Variants in TRIM24 observed in about 807,000 individuals in gnomAD.
TRIM24 encodes transcription intermediary factor 1-alpha.
Under a neutral mutation model 123.9 loss-of-function variants are expected in TRIM24, and 29 were observed. That is an observed-to-expected ratio of 0.23 (90% CI 0.17 to 0.32). The LOEUF is 0.32. Ranked by LOEUF, TRIM24 falls within the 10% of genes least tolerant of loss-of-function variation. The pLI is 1.00. For missense variants in TRIM24, 932 were observed against 1,295.3 expected, an observed-to-expected ratio of 0.72 and a Z score of 4.31; for synonymous variants, 456 against 461.1, an observed-to-expected ratio of 0.99 and a Z score of 0.14.
chr7:138,519,141 A>G (rs10273134), intron 3 of TRIM24, 48 bp from the exon 4 acceptor site: 1 of 1,609,534 alleles, frequency 6.2e-7, no homozygotes, highest in Non-Finnish European at 8.5e-7. Context: ...ATTATTTACT[A>G]TTCAATTATG....
intron 6 of TRIM24, among the ~76,000 whole-genome samples, chr7:138,530,014 T>C (rs1796696661): frequency 6.6e-6 from 1 of 152,176 alleles, no homozygotes; most frequent in South Asian, 2.1e-4. Context: ...ATCCTTTTTA[T>C]ATCATAATTT....
rs968255420 is a variant in TRIM24 at position 138,577,509 on chromosome 7, A to G, written c.2177A>G (p.Asn726Ser). ...MLEPIRIKQE[N>S]SGPPENYDFP... ...GAGCCAATTCGAATAAAACAAGAAA[A>G]CAGTGGACCACCGGAAAATTATGAT... The change falls in exon 14 of 19, where the codon AAC becomes AGC. Residue 726 changes from asparagine (N) to serine (S), a missense_variant. Around this residue, in one of 7 missense-constraint regions of TRIM24, gnomAD observed 527 missense variants for 691.3 expected, o/e 0.76. Transcript: ENST00000343526. 10 of 1,611,484 alleles carry G rather than the reference A, an allele frequency of 6.2e-6. No homozygotes were observed. Among genetic ancestry groups the G allele is most frequent in the Non-Finnish European group, 8.5e-6 (10 of 1,179,108 alleles).
chr7:138,582,453 A>T (rs563301244), intron 17 of TRIM24, among the ~76,000 whole-genome samples: 1 of 151,022 alleles, frequency 6.6e-6, no homozygotes, highest in South Asian at 2.1e-4. Flanking sequence ...GAGGCAGGAG[A>T]GTGGCGTGAA....
intron 6 of TRIM24, among the ~76,000 whole-genome samples, chr7:138,531,015 A>G (rs886509170): frequency 1.3e-5 from 2 of 152,056 alleles, no homozygotes; most frequent in Non-Finnish European, 2.9e-5. Flanking sequence ...GTGTAGTGGT[A>G]TAGCCTTGGC....
intron 5 of TRIM24, among the ~76,000 whole-genome samples, chr7:138,527,060 G>A (rs557303341): frequency 9.2e-5 from 14 of 151,518 alleles, no homozygotes; most frequent in East Asian, 5.8e-4. Context: ...TTTATGTACC[G>A]CTGTCAATTT....
intron 6 of TRIM24, among the ~76,000 whole-genome samples, chr7:138,531,332 AC>A (rs1796738792): frequency 6.7e-6 from 1 of 149,020 alleles, no homozygotes. Flanking sequence ...CTCGTTATTT[AC>A]ATTAGGTATA....
rs745620332 is a variant in TRIM24 at position 138,554,687 on chromosome 7, T to G, written c.1262-11T>G. Reference sequence around the variant, plus strand: ...AAAAACTGTTTCCCTTAACCTTTTCTTTTTAATTAGGTTCTTTAGTAATCG... The same window carrying G: ...AAAAACTGTTTCCCTTAACCTTTTCGTTTTAATTAGGTTCTTTAGTAATCG... On this transcript the variant is annotated splice_polypyrimidine_tract_variant and intron_variant, in intron 8 of 18. Coordinates refer to ENST00000343526, the MANE Select transcript of TRIM24 (RefSeq NM_015905.3). The surrounding 1 kb of genome is among the most constrained non-coding windows in gnomAD (Gnocchi z 4.5). 2 of 1,607,948 alleles carry G rather than the reference T, an allele frequency of 1.2e-6. No homozygotes were observed. Among genetic ancestry groups the G allele is most frequent in the Non-Finnish European group, 1.7e-6 (2 of 1,175,246 alleles).
intron 14 of TRIM24, 85 bp downstream of exon 14, chr7:138,577,673 TTAA>T (rs1797790318): frequency 5.3e-6 from 6 of 1,142,312 alleles, no homozygotes; most frequent in Non-Finnish European, 7.0e-6. Flanking sequence ...GAGTTTTTTT[TTAA>T]TGTTATATTT....
At chr7:138,504,447 C>CTT (rs750956455) in intron 2 of TRIM24, 39 bp downstream of exon 2, 1,916 of 153,984 alleles carry the variant, frequency 0.012, 49 homozygotes, top group South Asian at 0.016. Flanking sequence ...CCTGCCAGCT[C>CTT]TTTTTTTTTT....
At chr7:138,564,327 G>A (rs773317817) in intron 9 of TRIM24, among the ~76,000 whole-genome samples, 4 of 152,118 alleles carry the variant, frequency 2.6e-5, no homozygotes, top group African/African-American at 9.7e-5. Context: ...ACCTCCTGGG[G>A]CTCCGATCTT....
chr7:138,520,294 G>A (rs1272107809), intron 4 of TRIM24, among the ~76,000 whole-genome samples: 1 of 152,206 alleles, frequency 6.6e-6, no homozygotes, highest in Non-Finnish European at 1.5e-5. Context: ...TAGCTAGTAA[G>A]TTGTTCCTCA....
intron 4 of TRIM24, among the ~76,000 whole-genome samples, chr7:138,519,878 A>C (rs2116565919): frequency 6.6e-6 from 1 of 152,200 alleles, no homozygotes; most frequent in South Asian, 2.1e-4. Context: ...ATCTGATCTC[A>C]ACAGTCATTC....
chr7:138,528,791 C>G (rs1366764750), intron 5 of TRIM24, among the ~76,000 whole-genome samples: 70 of 113,838 alleles, frequency 6.1e-4, no homozygotes, highest in African/African-American at 2.0e-3. Context: ...CCACCCCCCC[C>G]CCCATCCTTT....
chr7:138,497,121 A>G (rs952742447), intron 1 of TRIM24, among the ~76,000 whole-genome samples: 3 of 152,142 alleles, frequency 2.0e-5, no homozygotes, highest in Non-Finnish European at 4.4e-5. Context: ...CTTTTCTGAA[A>G]GAGTTTGCTT....
At chr7:138,567,275 C>G (rs1196336383) in intron 9 of TRIM24, among the ~76,000 whole-genome samples, 1 of 152,110 alleles carries the variant, frequency 6.6e-6, no homozygotes, top group Non-Finnish European at 1.5e-5. Context: ...AAGGTTCTTT[C>G]CTAGTAAGGT....
intron 1 of TRIM24, among the ~76,000 whole-genome samples, chr7:138,492,273 C>CAAAAAAAAAAA (rs34380067): frequency 1.7e-5 from 1 of 60,028 alleles, no homozygotes; most frequent in Non-Finnish European, 2.8e-5. Context: ...ACTCTGTCTC[C>CAAAAAAAAAAA]AAAAAAAAAA....
chr7:138,538,925 T>TCAAAATATTAAAAC, intron 7 of TRIM24, 122 bp downstream of exon 7: 2 of 888,970 alleles, frequency 2.2e-6, no homozygotes, highest in Non-Finnish European at 3.1e-6. Flanking sequence ...CTAATATCTA[T>TCAAAATATTAAAAC]CAAAATATTT....
intron 1 of TRIM24, among the ~76,000 whole-genome samples, chr7:138,484,002 G>A (rs973127286): frequency 6.6e-6 from 1 of 152,092 alleles, no homozygotes; most frequent in Admixed American, 6.6e-5. Context: ...CCAGAATCAA[G>A]GCAGTACATA....
At chr7:138,514,191 A>G (rs920471624) in intron 2 of TRIM24, among the ~76,000 whole-genome samples, 1 of 152,138 alleles carries the variant, frequency 6.6e-6, no homozygotes, top group Non-Finnish European at 1.5e-5. Context: ...AGTGGAAAAA[A>G]ATTTTACTGT....
Sources: allele counts gnomAD v4.1 joint callset (sites outside exome capture counted in the v4.1 genomes callset), GRCh38; gene constraint gnomAD v4.1.1; regional missense constraint gnomAD v4.1.1; non-coding constraint Gnocchi (gnomAD v3.1); transcripts MANE v1.5; gene names NCBI Gene and HGNC (gene_info 2026-07-23, HGNC 2026-07-21).